ZNF423: variants seen among roughly 807,000 people sequenced by gnomAD.
The protein encoded by ZNF423 is Ebf-associated zinc finger protein.
Under a neutral mutation model 95.8 loss-of-function variants are expected in ZNF423, and 12 were observed. That is an observed-to-expected ratio of 0.13 (90% CI 0.08 to 0.20). The LOEUF is 0.20. Among genes scored for constraint, ZNF423 ranks in the 10% least tolerant of loss-of-function variants. ZNF423 has a pLI of 1.00. For synonymous variants in ZNF423, 749 were observed against 711.9 expected (o/e 1.05, Z -0.83); for missense variants, 1,316 against 1,737.1 (o/e 0.76, Z 4.31).
chr16:49,558,740 A>G (rs1459307832), intron 5 of ZNF423, among the ~76,000 whole-genome samples: 1 of 152,196 alleles, frequency 6.6e-6, no homozygotes, highest in Non-Finnish European at 1.5e-5. Flanking sequence ...TGAGGACCCA[A>G]TTAAGCTCAG....
chr16:49,554,979 T>C (rs1969772294), intron 5 of ZNF423, among the ~76,000 whole-genome samples: 1 of 152,030 alleles, frequency 6.6e-6, no homozygotes, highest in Non-Finnish European at 1.5e-5. Flanking sequence ...AAAACAGCAC[T>C]TTAAAATTAA....
intron 5 of ZNF423, among the ~76,000 whole-genome samples, chr16:49,622,538 C>T (rs930149479): frequency 3.3e-5 from 5 of 152,202 alleles, no homozygotes. Flanking sequence ...AAGGCAACGT[C>T]CCCCCTCTTC....
chr16:49,675,180 C>T (rs2030994212), intron 3 of ZNF423, among the ~76,000 whole-genome samples: 4 of 152,150 alleles, frequency 2.6e-5, no homozygotes, highest in South Asian at 4.1e-4. Flanking sequence ...ATCACTAAAC[C>T]TCTCTGAGCC....
rs1053091681 is a variant in ZNF423, at chr16:49,786,114, T to C, written c.100+3373A>G. On this transcript the variant is annotated intron_variant, in intron 2 of 7. Coordinates refer to ENST00000563137, the MANE Select transcript of ZNF423 (RefSeq NM_001379286.1). Reference sequence around the variant, plus strand: ...CAGCCCCATTCACCAGCAAGTGGCATGAGTGGGCCTGCGCACTCCGCTCCC... The same window carrying C: ...CAGCCCCATTCACCAGCAAGTGGCACGAGTGGGCCTGCGCACTCCGCTCCC... Among the ~76,000 whole-genome samples the C allele has an allele frequency of 5.7e-4, 87 of 152,328 alleles. 2 individuals carry two copies. The highest frequency in any genetic ancestry group is 5.5e-3 in the Admixed American group (84 of 15,302).
chr16:49,809,203 C>T (rs2034712504), intron 1 of ZNF423, among the ~76,000 whole-genome samples: 1 of 152,194 alleles, frequency 6.6e-6, no homozygotes, highest in African/African-American at 2.4e-5. Context: ...AGTTTGGCTC[C>T]CTTCGATCAA....
At position 49,778,574 on chromosome 16, in the gene ZNF423, A is replaced by T. The variant is rs571623745; in HGVS notation, c.100+10913T>A. 4.9e-5 allele frequency among the ~76,000 whole-genome samples: 6 copies of T among 122,536 alleles called. No individual in the cohort carries two copies. The South Asian group carries it at 1.7e-3, about 35-fold the overall frequency. 80.4% of individuals were successfully genotyped at this position (122,536 alleles called of 152,430 possible). ...GCCTTCCCCACTTGGGAAACAAGCC[A>T]TGCCTCACCAACCACGGTGAACAAG... On this transcript the variant is annotated intron_variant, in intron 2 of 7. Transcript: ENST00000563137.
chr16:49,776,612 G>A (rs908257358), intron 2 of ZNF423, among the ~76,000 whole-genome samples: 7 of 152,234 alleles, frequency 4.6e-5, no homozygotes, highest in African/African-American at 1.7e-4. Flanking sequence ...TCTTAAAGAG[G>A]CAGGTGCAGG....
chr16:49,638,960 G>C lies in ZNF423; in HGVS notation c.302-86C>G. 2.7e-6 allele frequency: 4 copies of C among 1,476,262 alleles called. No individual in the cohort carries two copies. The South Asian group carries it at 4.2e-5, about 16-fold the overall frequency. The allele number at this position is 1,476,262 out of a possible 1,614,324, so 91.4% of individuals were successfully genotyped here. On this transcript the variant is annotated intron_variant, in intron 3 of 7. Coordinates refer to ENST00000563137, the MANE Select transcript of ZNF423 (RefSeq NM_001379286.1). This position sits in a 1 kb window ranked among gnomAD's most constrained non-coding sequence, Gnocchi z 5.6. ...CAGAGCCAGCTTCTCGACAGCACGC[G>C]GGCTGAGGCTGTGCAGCTGGCCAAC...
intron 2 of ZNF423, among the ~76,000 whole-genome samples, chr16:49,757,209 C>G (rs74018919): frequency 0.012 from 1,823 of 152,294 alleles, 36 homozygotes; most frequent in African/African-American, 0.042. Context: ...ATAAATGAGG[C>G]CAAGAATTTC....
At chr16:49,514,216 A>ACACACG (rs1968032646) in intron 7 of ZNF423, among the ~76,000 whole-genome samples, 1 of 131,358 alleles carries the variant, frequency 7.6e-6, no homozygotes. Context: ...ACACACATGC[A>ACACACG]CACGCACATG....
intron 7 of ZNF423, among the ~76,000 whole-genome samples, chr16:49,519,466 G>C (rs1968295579): frequency 6.6e-6 from 1 of 152,146 alleles, no homozygotes; most frequent in Non-Finnish European, 1.5e-5. Context: ...TCATTTATGT[G>C]GGTGGCATCA....
chr16:49,572,878 A>G (rs1970394151), intron 5 of ZNF423, among the ~76,000 whole-genome samples: 1 of 152,188 alleles, frequency 6.6e-6, no homozygotes, highest in African/African-American at 2.4e-5. Flanking sequence ...TCCTGGCTCA[A>G]TAGTCTCTTA....
chr16:49,722,169 C>T (rs1304238143), intron 3 of ZNF423, among the ~76,000 whole-genome samples: 1 of 152,160 alleles, frequency 6.6e-6, no homozygotes, highest in Non-Finnish European at 1.5e-5. Context: ...CGGATGGTTC[C>T]CCATCAGAAG....
intron 3 of ZNF423, among the ~76,000 whole-genome samples, chr16:49,681,417 A>G (rs1273235270): frequency 6.6e-6 from 1 of 152,208 alleles, no homozygotes; most frequent in Admixed American, 6.5e-5. Context: ...GGGGATACAG[A>G]GAGGGGAGAA....
chr16:49,587,915 C>G (rs1275908977), intron 5 of ZNF423, among the ~76,000 whole-genome samples: 1 of 152,148 alleles, frequency 6.6e-6, no homozygotes, highest in African/African-American at 2.4e-5. Flanking sequence ...CTGACCACCC[C>G]CTATCTTCAC....
chr16:49,547,156 T>C (rs1969470017), intron 5 of ZNF423, among the ~76,000 whole-genome samples: 1 of 151,942 alleles, frequency 6.6e-6, no homozygotes, highest in South Asian at 2.1e-4. Flanking sequence ...TCTCAAGGGG[T>C]GCAATGGTTT....
intron 3 of ZNF423, among the ~76,000 whole-genome samples, chr16:49,664,481 T>C (rs2030432762): frequency 6.6e-6 from 1 of 152,206 alleles, no homozygotes; most frequent in East Asian, 1.9e-4. Context: ...CGAGGAGTTC[T>C]GGCTCCCCTG....
chr16:49,624,269 G>T (rs953273067), intron 5 of ZNF423, among the ~76,000 whole-genome samples: 2 of 151,808 alleles, frequency 1.3e-5, no homozygotes, highest in Admixed American at 1.3e-4. Flanking sequence ...ATGTACATGG[G>T]GCCAGGTATG....
At chr16:49,569,725 G>A (rs1970299915) in intron 5 of ZNF423, among the ~76,000 whole-genome samples, 1 of 152,144 alleles carries the variant, frequency 6.6e-6, no homozygotes, top group African/African-American at 2.4e-5. Context: ...GTAGTGGAGT[G>A]CCCGTGGAAA....
Sources: allele counts gnomAD v4.1 joint callset (sites outside exome capture counted in the v4.1 genomes callset), GRCh38; gene constraint gnomAD v4.1.1; non-coding constraint Gnocchi (gnomAD v3.1); transcripts MANE v1.5; gene names NCBI Gene and HGNC (gene_info 2026-07-23, HGNC 2026-07-21).